The following FAM227B variants were observed in gnomAD, a reference collection of about 807,000 sequenced individuals.
FAM227B encodes family with sequence similarity 227 member B.
A neutral mutation model predicts 73.8 loss-of-function variants in FAM227B; 88 were observed. The ratio of observed to expected loss-of-function variants is 1.19; its 90% CI spans 1.00 to 1.42. The LOEUF is 1.42. Ranked by LOEUF, FAM227B falls within the 40% of genes most tolerant of loss-of-function variation. The probability of loss-of-function intolerance (pLI) is 0.00; values close to 1 mark genes in which losing one functional copy is unlikely to be tolerated. For missense variants in FAM227B, 632 were observed against 590.9 expected (o/e 1.07, Z -0.72); for synonymous variants, 210 against 190.5 (o/e 1.10, Z -0.84).
chr15:49,422,141 A>AGAGAGAGAGAGAGAGAGAGAGAGAGT (rs2049706215), intron 11 of FAM227B, among the ~76,000 whole-genome samples: 2 of 141,862 alleles, frequency 1.4e-5, no homozygotes, highest in East Asian at 4.3e-4. Context: ...AGAGAGAGAG[A>AGAGAGAGAGAGAGAGAGAGAGAGAGT]GAGAGTGTGT....
chr15:49,553,890 C>T (rs368762244), intron 9 of FAM227B, among the ~76,000 whole-genome samples: 2 of 152,184 alleles, frequency 1.3e-5, no homozygotes, highest in Non-Finnish European at 2.9e-5. Flanking sequence ...ATGCTCTCCC[C>T]ACCTGTGGCC....
intron 11 of FAM227B, among the ~76,000 whole-genome samples, chr15:49,396,669 C>A (rs1424057586): frequency 1.5e-4 from 23 of 151,732 alleles, no homozygotes; most frequent in Admixed American, 1.5e-3. Context: ...CAGACTGCCT[C>A]CTCAAGTGGG....
intron 13 of FAM227B, among the ~76,000 whole-genome samples, chr15:49,352,717 G>C (rs1816293): frequency 0.42 from 63,780 of 151,896 alleles, 13,525 homozygotes; most frequent in African/African-American, 0.45. Context: ...AAATAGCTTG[G>C]TCATCACAGC....
chr15:49,329,154 G>A, intron 15 of FAM227B: 6 of 987,694 alleles, frequency 6.1e-6, no homozygotes, highest in Non-Finnish European at 7.2e-6. Context: ...TGTAAAGCAG[G>A]TATGCAGGTA....
intron 11 of FAM227B, among the ~76,000 whole-genome samples, chr15:49,397,984 T>C (rs1363677457): frequency 1.3e-5 from 2 of 152,088 alleles, no homozygotes; most frequent in Non-Finnish European, 2.9e-5. Flanking sequence ...CAGGATCAAA[T>C]TCACACATAA....
intron 13 of FAM227B, among the ~76,000 whole-genome samples, chr15:49,359,199 C>T (rs1375254572): frequency 6.8e-6 from 1 of 147,536 alleles, no homozygotes; most frequent in Non-Finnish European, 1.5e-5. Context: ...ATGTCTAAAA[C>T]ACCAAAAGCA....
At chr15:49,350,019 A>C (rs1438090821) in intron 13 of FAM227B, among the ~76,000 whole-genome samples, 1 of 152,226 alleles carries the variant, frequency 6.6e-6, no homozygotes, top group Admixed American at 6.5e-5. Context: ...TAAACTCTTA[A>C]GCCCCTAAAC....
intron 11 of FAM227B, among the ~76,000 whole-genome samples, chr15:49,403,086 G>C (rs1367957183): frequency 6.6e-6 from 1 of 152,192 alleles, no homozygotes; most frequent in Non-Finnish European, 1.5e-5. Flanking sequence ...CACATTTACT[G>C]ATTTGTGTAT....
At chr15:49,534,571 A>AC in intron 10 of FAM227B, among the ~76,000 whole-genome samples, 1 of 136,334 alleles carries the variant, frequency 7.3e-6, no homozygotes, top group Admixed American at 7.6e-5. Context: ...TAAGAAGACA[A>AC]GATTAATAAT....
At chr15:49,389,561 C>T (rs1212343246) in intron 11 of FAM227B, among the ~76,000 whole-genome samples, 1 of 151,036 alleles carries the variant, frequency 6.6e-6, no homozygotes, top group African/African-American at 2.4e-5. Context: ...GATGGGTGCA[C>T]TAAAATCTCA....
Position 49,541,793 on chromosome 15 carries a change from C to T in FAM227B, c.761G>A (p.Cys254Tyr), listed in dbSNP as rs1220187192. The T allele has an allele frequency of 6.7e-7, 1 of 1,488,434 alleles. No individual in the cohort carries two copies. Among genetic ancestry groups the T allele is most frequent in the Non-Finnish European group, 8.9e-7 (1 of 1,118,440 alleles). The allele number at this position is 1,488,434 out of a possible 1,614,324, so 92.2% of individuals were successfully genotyped here. A position where few individuals can be genotyped will look rare whatever the true frequency, so the allele number is the denominator to read the frequency against. ...CGTTGCATATATGGCTTGTGCCAAA[C>T]AATCAGGATATATCTACCAAAATAA... is the stretch of plus-strand genomic sequence containing the variant. ...KDAFFQIYPDCLAQAIYATFH... is the reference protein window; with the variant it reads ...KDAFFQIYPDYLAQAIYATFH... The change falls in exon 10 of 16, where the codon TGT (cysteine) becomes TAT (tyrosine). Residue 254 changes from cysteine to tyrosine, a missense_variant. By Grantham distance (194) the Cys-to-Tyr change is radical. Transcript: ENST00000299338.
At chr15:49,554,531 C>T (rs2073426626) in intron 9 of FAM227B, among the ~76,000 whole-genome samples, 1 of 152,128 alleles carries the variant, frequency 6.6e-6, no homozygotes. Flanking sequence ...CCTCTGTGGG[C>T]CGGTATCAGC....
intron 11 of FAM227B, among the ~76,000 whole-genome samples, chr15:49,417,609 G>A (rs529352541): frequency 6.6e-6 from 1 of 152,222 alleles, no homozygotes; most frequent in South Asian, 2.1e-4. Context: ...GGGATAACTG[G>A]CTAGTCATAT....
chr15:49,548,275 G>A (rs1021725219), intron 9 of FAM227B, among the ~76,000 whole-genome samples: 1 of 152,086 alleles, frequency 6.6e-6, no homozygotes, highest in African/African-American at 2.4e-5. Context: ...CAGTTGAAAT[G>A]ATCATATGGG....
At chr15:49,502,229 G>A (rs1227310909) in intron 11 of FAM227B, among the ~76,000 whole-genome samples, 2 of 152,232 alleles carry the variant, frequency 1.3e-5, no homozygotes, top group Non-Finnish European at 2.9e-5. Flanking sequence ...TGAGAAGGGG[G>A]CCACTGCCCT....
intron 11 of FAM227B, among the ~76,000 whole-genome samples, chr15:49,480,037 G>A (rs2055782260): frequency 6.6e-6 from 1 of 152,134 alleles, no homozygotes; most frequent in South Asian, 2.1e-4. Flanking sequence ...AATAAAAGAG[G>A]GTTGTAGGAC....
chr15:49,564,513 G>A (rs1020831859), intron 9 of FAM227B, among the ~76,000 whole-genome samples: 7 of 151,990 alleles, frequency 4.6e-5, no homozygotes, highest in African/African-American at 9.7e-5. Context: ...AAAATAAGTC[G>A]TTCTATCAAA....
At chr15:49,386,796 T>A (rs2046912367) in intron 11 of FAM227B, among the ~76,000 whole-genome samples, 1 of 151,668 alleles carries the variant, frequency 6.6e-6, no homozygotes, top group Non-Finnish European at 1.5e-5. Context: ...TAAGCTCAAT[T>A]AGAAATGAAA....
intron 13 of FAM227B, among the ~76,000 whole-genome samples, chr15:49,346,062 T>TA (rs202094725): frequency 0.017 from 2,553 of 151,660 alleles, 33 homozygotes; most frequent in South Asian, 0.031. Context: ...TTTTTTTTTT[T>TA]TTTCCTTTTT....
Sources: allele counts gnomAD v4.1 joint callset (sites outside exome capture counted in the v4.1 genomes callset), GRCh38; gene constraint gnomAD v4.1.1; transcripts MANE v1.5; gene names NCBI Gene and HGNC (gene_info 2026-07-23, HGNC 2026-07-21).